The following COL25A1 variants were observed in gnomAD, a reference collection of about 807,000 sequenced individuals.
The protein encoded by COL25A1 is collagen type XXV alpha 1 chain, also known as collagen alpha-1(XXV) chain.
COL25A1 carries 103 observed loss-of-function variants against 128.4 expected under a neutral mutation model. The ratio of observed to expected loss-of-function variants is 0.80; its 90% CI spans 0.68 to 0.94. The LOEUF is 0.94. Ranked by LOEUF, COL25A1 falls within the 40% of genes least tolerant of loss-of-function variation. COL25A1 has a pLI of 0.00. For synonymous variants in COL25A1, 279 were observed against 277.2 expected (o/e 1.01, Z -0.06); for missense variants, 745 against 840.0 (o/e 0.89, Z 1.40).
chr4:108,929,488 T>A (rs907596122), intron 11 of COL25A1, among the ~76,000 whole-genome samples: 1 of 152,136 alleles, frequency 6.6e-6, no homozygotes, highest in African/African-American at 2.4e-5. Context: ...CTTTTAGTTA[T>A]AACGTGCATA....
At chr4:109,073,160 A>G (rs1763116254) in intron 3 of COL25A1, among the ~76,000 whole-genome samples, 1 of 152,088 alleles carries the variant, frequency 6.6e-6, no homozygotes, top group Non-Finnish European at 1.5e-5. Context: ...GGAGGGGCGC[A>G]TGTGCATGGG....
At chr4:109,137,534 C>T (rs892089302) in intron 3 of COL25A1, among the ~76,000 whole-genome samples, 2 of 152,154 alleles carry the variant, frequency 1.3e-5, no homozygotes, top group African/African-American at 4.8e-5. Context: ...TGGCAACAAC[C>T]CCCTAATCAT....
In COL25A1 at chr4:108,817,386, G is replaced by C. The variant is rs1173080235; in HGVS notation, c.1962+11C>G. 3 of 1,612,760 alleles carry C rather than the reference G, an allele frequency of 1.9e-6. No homozygotes were observed. Among genetic ancestry groups the C allele is most frequent in the Non-Finnish European group, 2.5e-6 (3 of 1,179,054 alleles). ...AGTGCTTCTTTTGAGAAATTATTCA[G>C]TAAAGCCTACCTTTTGCCAACAGCC... On this transcript the variant is annotated intron_variant, in intron 37 of 37. Coordinates refer to ENST00000399132, the MANE Select transcript of COL25A1 (RefSeq NM_198721.4).
At chr4:108,849,539 A>G (rs1308163675) in intron 26 of COL25A1, among the ~76,000 whole-genome samples, 2 of 152,308 alleles carry the variant, frequency 1.3e-5, no homozygotes, top group East Asian at 3.9e-4. Flanking sequence ...AATTTATACA[A>G]TACGCCAGAA....
chr4:108,861,338 G>A (rs546372419), intron 22 of COL25A1, among the ~76,000 whole-genome samples: 1 of 152,226 alleles, frequency 6.6e-6, no homozygotes, highest in South Asian at 2.1e-4. Context: ...TTGGGGCAAA[G>A]GGAAAAAGAG....
intron 3 of COL25A1, among the ~76,000 whole-genome samples, chr4:109,169,558 A>C (rs932201518): frequency 1.3e-5 from 2 of 152,122 alleles, no homozygotes; most frequent in Non-Finnish European, 2.9e-5. Context: ...TGGATAAATG[A>C]TTTTTCTTAA....
At chr4:109,013,595 G>A (rs983392407) in intron 5 of COL25A1, among the ~76,000 whole-genome samples, 2 of 151,730 alleles carry the variant, frequency 1.3e-5, no homozygotes, top group African/African-American at 4.9e-5. Context: ...AAGGTCTGCA[G>A]CTTCACTCCT....
intron 13 of COL25A1, among the ~76,000 whole-genome samples, chr4:108,916,919 T>C (rs889651338): frequency 6.6e-6 from 1 of 152,192 alleles, no homozygotes. Context: ...CATGGGGTAA[T>C]TGAGTACTTC....
At chr4:108,854,477 G>C (rs1469095769) in intron 24 of COL25A1, among the ~76,000 whole-genome samples, 13 of 151,930 alleles carry the variant, frequency 8.6e-5, no homozygotes, top group Admixed American at 8.5e-4. Flanking sequence ...ATCTGACAAA[G>C]GGCTAATATC....
At chr4:109,193,949 A>G (rs899059375) in intron 3 of COL25A1, among the ~76,000 whole-genome samples, 15 of 152,338 alleles carry the variant, frequency 9.8e-5, no homozygotes, top group Admixed American at 1.3e-4. Context: ...AAGGGAGAGA[A>G]GAAAGAGTTA....
chr4:109,074,151 G>A lies in COL25A1; in HGVS notation c.368-23972C>T, dbSNP rs1030501697. ...TGTGCAGTTCCACAGTAGGATTCCC[G>A]CTCCTATAAGAATCTAATGCCACCA... On this transcript the variant is annotated intron_variant, in intron 3 of 37. Transcript: ENST00000399132. 1.4e-4 allele frequency among the ~76,000 whole-genome samples: 21 copies of A among 152,190 alleles called. 1 individual carries two copies. The highest frequency in any genetic ancestry group is 4.6e-4 in the Admixed American group (7 of 15,282).
intron 20 of COL25A1, among the ~76,000 whole-genome samples, chr4:108,866,406 T>G (rs1379668279): frequency 6.6e-6 from 1 of 152,092 alleles, no homozygotes; most frequent in Non-Finnish European, 1.5e-5. Context: ...TTGCCCAGGC[T>G]GATCTCAAAC....
chr4:109,025,792 T>C (rs1758207587), intron 5 of COL25A1, among the ~76,000 whole-genome samples: 1 of 152,158 alleles, frequency 6.6e-6, no homozygotes, highest in Non-Finnish European at 1.5e-5. Context: ...AAATGTCATC[T>C]CTCTTTGTTA....
In COL25A1 at chr4:108,845,255, T is replaced by C. The variant is rs753373753; in HGVS notation, c.1516-4A>G. 1 of 1,612,396 alleles carries C rather than the reference T, an allele frequency of 6.2e-7. No individual in the cohort carries two copies. The highest frequency in any genetic ancestry group is 8.5e-7 in the Non-Finnish European group (1 of 1,178,366). On this transcript the variant is annotated splice_polypyrimidine_tract_variant and splice_region_variant and intron_variant, in intron 28 of 37. Transcript: ENST00000399132. ...CTCCTTTCATTCCATTGGCTCCCTA[T>C]AAATAACCATTAAGCAGAGTTAAGC...
chr4:108,995,650 C>T (rs937012028), intron 6 of COL25A1, among the ~76,000 whole-genome samples: 3 of 152,126 alleles, frequency 2.0e-5, no homozygotes, highest in Non-Finnish European at 4.4e-5. Context: ...AAGAGCAACT[C>T]CAAGACACCT....
intron 6 of COL25A1, among the ~76,000 whole-genome samples, chr4:109,005,872 C>G (rs7657314): frequency 0.64 from 97,450 of 151,924 alleles, 32,019 homozygotes; most frequent in Non-Finnish European, 0.72. Flanking sequence ...CTAGGGAGAC[C>G]CAGAGCTGGA....
chr4:109,062,880 T>G (rs897557057), intron 3 of COL25A1, among the ~76,000 whole-genome samples: 1 of 152,184 alleles, frequency 6.6e-6, no homozygotes, highest in African/African-American at 2.4e-5. Flanking sequence ...AGACACCTGA[T>G]TGAATTTGAT....
In COL25A1 at chr4:109,058,504, A is replaced by G. The variant is rs551386511; in HGVS notation, c.368-8325T>C. Among the ~76,000 whole-genome samples, 4 of 152,338 alleles carry G rather than the reference A, an allele frequency of 2.6e-5. No homozygotes were observed. The South Asian group carries it at 8.3e-4, about 32-fold the overall frequency. On this transcript the variant is annotated intron_variant, in intron 3 of 37. Coordinates refer to ENST00000399132, the MANE Select transcript of COL25A1 (RefSeq NM_198721.4). Reference sequence around the variant, plus strand: ...TCTAATGGAACTGAGAGTGGTAGACACCTCTTTTAAAGATAAAAATGTTAA... The same window carrying G: ...TCTAATGGAACTGAGAGTGGTAGACGCCTCTTTTAAAGATAAAAATGTTAA...
intron 3 of COL25A1, among the ~76,000 whole-genome samples, chr4:109,223,416 CT>C (rs1778561993): frequency 6.6e-6 from 1 of 151,522 alleles, no homozygotes; most frequent in Non-Finnish European, 1.5e-5. Flanking sequence ...CCAAAAAAAA[CT>C]GCACTAATGA....
Sources: allele counts gnomAD v4.1 joint callset (sites outside exome capture counted in the v4.1 genomes callset), GRCh38; gene constraint gnomAD v4.1.1; transcripts MANE v1.5; gene names NCBI Gene and HGNC (gene_info 2026-07-23, HGNC 2026-07-21).